MIPEP: variants seen among roughly 807,000 people sequenced by gnomAD.
MIPEP encodes mitochondrial intermediate peptidase.
In MIPEP, 79 loss-of-function variants were observed where a neutral mutation model predicts 90.3. The ratio of observed to expected loss-of-function variants is 0.87; its 90% CI spans 0.73 to 1.05. The LOEUF is 1.05. Ranked by LOEUF, MIPEP falls within the 50% of genes least tolerant of loss-of-function variation. The pLI is 0.00. For synonymous variants in MIPEP, 334 were observed against 315.8 expected, an observed-to-expected ratio of 1.06 and a Z score of -0.61; for missense variants, 940 against 905.6, an observed-to-expected ratio of 1.04 and a Z score of -0.49.
At chr13:23,767,455 AT>A (rs11370717) in intron 16 of MIPEP, among the ~76,000 whole-genome samples, 41 of 148,208 alleles carry the variant, frequency 2.8e-4, no homozygotes, top group African/African-American at 3.0e-4. Flanking sequence ...ATCTTTGTAA[AT>A]TTTTTTTTTT....
Position 23,809,843 on chromosome 13 carries a change from T to C in MIPEP, c.1728+7A>G, listed in dbSNP as rs186873433. On this transcript the variant is annotated splice_region_variant and intron_variant, in intron 15 of 18. Coordinates refer to ENST00000382172, the MANE Select transcript of MIPEP (RefSeq NM_005932.4). ...CGGAAAACTTCAGAACAAAGGTACA[T>C]ACATACCTGAAGTTGCATATCAGCT... 7.5e-4 allele frequency: 1,203 copies of C among 1,598,780 alleles called. 9 individuals carry two copies. The highest frequency in any genetic ancestry group is 2.7e-3 in the Admixed American group (163 of 59,876).
Position 23,889,229 on chromosome 13 carries a change from A to G in MIPEP, c.92T>C (p.Ile31Thr). Residue 31 changes from isoleucine to threonine, a missense_variant, in exon 1 of 19, where the codon ATC becomes ACC. By Grantham distance (89) the Ile-to-Thr change is moderately conservative. Coordinates refer to ENST00000382172, the MANE Select transcript of MIPEP (RefSeq NM_005932.4). Reference sequence around the variant, plus strand: ...GCTGGTGCTGACCCTTCGGGCCCGGATCCCGGCTTCGAGGCTTCCCCGGCC... The same window carrying G: ...GCTGGTGCTGACCCTTCGGGCCCGGGTCCCGGCTTCGAGGCTTCCCCGGCC... ...RAGRGSLEAG[I>T]RARRVSTSWS... is the part of the protein sequence containing the mutation. 7.1e-7 allele frequency: 1 copy of G among 1,411,994 alleles called. No individual in the cohort carries two copies. Among genetic ancestry groups the G allele is most frequent in the South Asian group, 1.5e-5 (1 of 64,518 alleles). The allele number at this position is 1,411,994 out of a possible 1,614,324, so 87.5% of individuals were successfully genotyped here. A position where few individuals can be genotyped will look rare whatever the true frequency, so the allele number is the denominator to read the frequency against.
intron 12 of MIPEP, among the ~76,000 whole-genome samples, chr13:23,838,144 A>AT (rs898826584): frequency 2.4e-4 from 36 of 150,730 alleles, no homozygotes; most frequent in East Asian, 5.9e-4. Flanking sequence ...TCTCTTGGCT[A>AT]TTTTTTTTTC....
chr13:23,808,664 C>T (rs1030689280), intron 15 of MIPEP, among the ~76,000 whole-genome samples: 8 of 152,090 alleles, frequency 5.3e-5, no homozygotes, highest in African/African-American at 1.9e-4. Flanking sequence ...AGGCCTTCTA[C>T]TAAAGATATC....
chr13:23,855,204 T>C (rs1328982901), intron 10 of MIPEP, among the ~76,000 whole-genome samples: 1 of 152,232 alleles, frequency 6.6e-6, no homozygotes, highest in African/African-American at 2.4e-5. Flanking sequence ...AGACGTAATG[T>C]TACTCTTCCA....
intron 17 of MIPEP, among the ~76,000 whole-genome samples, chr13:23,757,305 G>T (rs752686313): frequency 7.2e-5 from 11 of 152,022 alleles, no homozygotes; most frequent in Non-Finnish European, 1.3e-4. Flanking sequence ...TAATTCAACA[G>T]GAGATGGATG....
chr13:23,785,006 T>G (rs1053815092), intron 16 of MIPEP, among the ~76,000 whole-genome samples: 28 of 152,160 alleles, frequency 1.8e-4, no homozygotes, highest in African/African-American at 6.5e-4. Context: ...CTGGAGAGGA[T>G]GTGGAGAAAT....
rs1398596085 is a variant in MIPEP, at chr13:23,858,927, T to C, written c.1054-15A>G. On this transcript the variant is annotated splice_polypyrimidine_tract_variant and intron_variant, in intron 9 of 18. Coordinates refer to ENST00000382172, the MANE Select transcript of MIPEP (RefSeq NM_005932.4). ...GGCATTACTTCCTACAATGGAATAA[T>C]TCACTGTTAAGGAAAGCTACTGACT... 2 of 1,610,618 alleles carry C rather than the reference T, an allele frequency of 1.2e-6. No individual in the cohort carries two copies. The highest frequency in any genetic ancestry group is 1.1e-5 in the South Asian group (1 of 90,942).
At chr13:23,787,789 G>C (rs1439560710) in intron 16 of MIPEP, among the ~76,000 whole-genome samples, 2 of 152,180 alleles carry the variant, frequency 1.3e-5, no homozygotes, top group Non-Finnish European at 2.9e-5. Flanking sequence ...ATTTAAAGGA[G>C]AGGGAAAGAA....
At chr13:23,792,482 T>C (rs1235141364) in intron 16 of MIPEP, among the ~76,000 whole-genome samples, 1 of 152,162 alleles carries the variant, frequency 6.6e-6, no homozygotes, top group Non-Finnish European at 1.5e-5. Flanking sequence ...TGGACTCAAG[T>C]GATCCTCCCA....
chr13:23,840,372 A>G (rs1429210171), intron 11 of MIPEP, among the ~76,000 whole-genome samples: 2 of 152,212 alleles, frequency 1.3e-5, no homozygotes, highest in African/African-American at 2.4e-5. Context: ...GGAACTCTTC[A>G]AGACACTGAG....
chr13:23,863,559 C>A (rs1308173934), intron 8 of MIPEP, among the ~76,000 whole-genome samples: 1 of 152,182 alleles, frequency 6.6e-6, no homozygotes, highest in Non-Finnish European at 1.5e-5. Context: ...TGGGTCCCAT[C>A]CCCAAGATAT....
chr13:23,858,650 A>G (rs1870147297), intron 10 of MIPEP, among the ~76,000 whole-genome samples: 1 of 152,078 alleles, frequency 6.6e-6, no homozygotes, highest in South Asian at 2.1e-4. Context: ...GCAAGGGCAG[A>G]GCTGGAGAGG....
intron 16 of MIPEP, among the ~76,000 whole-genome samples, chr13:23,784,625 A>C (rs1407985035): frequency 2.0e-5 from 3 of 152,238 alleles, no homozygotes; most frequent in Non-Finnish European, 2.9e-5. Flanking sequence ...AACAAAAGCC[A>C]AAATTGACAA....
chr13:23,862,381 A>G lies in MIPEP; in HGVS notation c.993-19T>C. On this transcript the variant is annotated intron_variant, in intron 8 of 18. Transcript: ENST00000382172. ...CAGAGTTCTATAAAACAGGTTTATC[A>G]TTACTTGTTAGGACAAAATTTTAAC... 6.7e-7 allele frequency: 1 copy of G among 1,483,200 alleles called. No homozygotes were observed. The highest frequency in any genetic ancestry group is 9.3e-7 in the Non-Finnish European group (1 of 1,078,220). The allele number at this position is 1,483,200 out of a possible 1,614,324, so 91.9% of individuals were successfully genotyped here.
At chr13:23,734,820 T>G (rs1952243428) in intron 18 of MIPEP, among the ~76,000 whole-genome samples, 1 of 152,082 alleles carries the variant, frequency 6.6e-6, no homozygotes, top group Admixed American at 6.6e-5. Context: ...GGGGGAATGT[T>G]GTAGGAGTTA....
chr13:23,844,292 A>G (rs1373455805), intron 10 of MIPEP, among the ~76,000 whole-genome samples: 2 of 152,172 alleles, frequency 1.3e-5, no homozygotes, highest in Non-Finnish European at 2.9e-5. Context: ...GAAAGAGGGG[A>G]GAAAATAAAC....
chr13:23,740,760 A>C (rs988110619), intron 18 of MIPEP, among the ~76,000 whole-genome samples: 4 of 152,214 alleles, frequency 2.6e-5, no homozygotes, highest in Admixed American at 2.0e-4. Context: ...GACAAAGAGA[A>C]AACAGTGTCT....
At chr13:23,798,891 G>A (rs1282514043) in intron 16 of MIPEP, among the ~76,000 whole-genome samples, 4 of 151,140 alleles carry the variant, frequency 2.6e-5, no homozygotes, top group South Asian at 2.1e-4. Context: ...CCTCTTTTCC[G>A]TATAAATTAC....
Sources: allele counts gnomAD v4.1 joint callset (sites outside exome capture counted in the v4.1 genomes callset), GRCh38; gene constraint gnomAD v4.1.1; transcripts MANE v1.5; gene names NCBI Gene and HGNC (gene_info 2026-07-23, HGNC 2026-07-21).